The following DLC1 variants were observed in gnomAD, a reference collection of about 807,000 sequenced individuals.
DLC1 encodes rho GTPase-activating protein 7.
In DLC1, 54 loss-of-function variants were observed where a neutral mutation model predicts 140.3. The observed-to-expected ratio is 0.38, with a 90% CI of 0.31 to 0.48. The LOEUF (loss-of-function observed/expected upper bound fraction) is 0.48. DLC1 is among the 20% of genes least tolerant of loss of function. DLC1 has a pLI of 0.96. For synonymous variants in DLC1, 986 were observed against 728.1 expected (o/e 1.35, Z -5.70); for missense variants, 2,536 against 1,907.0 (o/e 1.33, Z -6.14).
chr8:13,205,438 T>C (rs1000461211), intron 5 of DLC1, among the ~76,000 whole-genome samples: 1 of 152,190 alleles, frequency 6.6e-6, no homozygotes, highest in African/African-American at 2.4e-5. Context: ...GGGGAGATTG[T>C]GGTTCCGCGG....
chr8:13,496,785 C>CTTTTTTTTTTTTTTTTTTT lies in DLC1; in HGVS notation c.1023+2263_1023+2264insAAAAAAAAAAAAAAAAAAA, dbSNP rs1491502803. Among the ~76,000 whole-genome samples, 71 of 8,628 alleles carry CTTTTTTTTTTTTTTTTTTT rather than the reference C, an allele frequency of 8.2e-3. 20 individuals carry two copies. The highest frequency in any genetic ancestry group is 0.05 in the South Asian group (16 of 318). The allele number at this position is 8,628 out of a possible 152,430, so 5.7% of individuals were successfully genotyped here. Reference sequence around the variant, plus strand: ...TAATTAACAAATTCTTAGACCATTTCCTTTTTTTTTTTTTTTTTTTTTTTT... The same window carrying CTTTTTTTTTTTTTTTTTTT: ...TAATTAACAAATTCTTAGACCATTTCTTTTTTTTTTTTTTTTTTTCTTTTTTTTTTTTTTTTTTTTTTTT... On this transcript the variant is annotated intron_variant, in intron 2 of 17. Coordinates refer to ENST00000276297, the MANE Select transcript of DLC1 (RefSeq NM_182643.3).
intron 15 of DLC1, 156 bp from the exon 16 acceptor site, chr8:13,088,860 A>C: frequency 3.4e-6 from 2 of 592,598 alleles, no homozygotes; most frequent in African/African-American, 1.9e-5. Context: ...ATATAAAGAA[A>C]TATTGGGGGC....
At chr8:13,174,289 A>G (rs986886340) in intron 5 of DLC1, among the ~76,000 whole-genome samples, 1 of 152,118 alleles carries the variant, frequency 6.6e-6, no homozygotes, top group Non-Finnish European at 1.5e-5. Context: ...GGTTGATTCT[A>G]TGTCTTTGCT....
rs1817954289 is a variant in DLC1, at chr8:13,090,420, C to T, written c.3906G>A (p.Leu1302=). 1 of 1,614,170 alleles carries T rather than the reference C, an allele frequency of 6.2e-7. No individual in the cohort carries two copies. Among genetic ancestry groups the T allele is most frequent in the East Asian group, 2.2e-5 (1 of 44,882 alleles). ...CGAGTGCTTCCAGAGTGAGGGGCTT[C>T]AGCTCTTGTTCGGTATAGGAATTAC... is the stretch of plus-strand genomic sequence containing the variant. ...RCRNSYTEQE[L]KPLTLEALGH... is the part of the protein sequence containing the mutation. Residue 1302 remains leucine, a synonymous_variant, in exon 15 of 18, where the codon CTG becomes CTA. Transcript: ENST00000276297.
chr8:13,322,925 T>A lies in DLC1; in HGVS notation c.1315-17623A>T, dbSNP rs557332974. Among the ~76,000 whole-genome samples, 3 of 152,318 alleles carry A rather than the reference T, an allele frequency of 2.0e-5. No individual in the cohort carries two copies. In the South Asian group the frequency reaches 6.2e-4, roughly 32 times the overall value. On this transcript the variant is annotated intron_variant, in intron 4 of 17. Transcript: ENST00000276297. ...AGGCACTGCAGATTCCCTCTTGCAC[T>A]GTCTTTTGGAAGGTTTGTGCTGGGG...
chr8:13,318,547 C>T (rs1832950880), intron 4 of DLC1, among the ~76,000 whole-genome samples: 1 of 152,166 alleles, frequency 6.6e-6, no homozygotes, highest in Non-Finnish European at 1.5e-5. Flanking sequence ...CTCAAATTTT[C>T]TCTTTTCTGC....
intron 5 of DLC1, among the ~76,000 whole-genome samples, chr8:13,200,234 TA>T (rs1380424997): frequency 1.3e-5 from 2 of 148,350 alleles, no homozygotes; most frequent in African/African-American, 4.9e-5. Context: ...TGTATATATA[TA>T]TTTTTTTTAG....
intron 7 of DLC1, among the ~76,000 whole-genome samples, chr8:13,107,181 T>G (rs1268673857): frequency 1.3e-5 from 2 of 152,240 alleles, no homozygotes; most frequent in African/African-American, 4.8e-5. Context: ...CCCACACTTG[T>G]AACTTTTGGT....
chr8:13,266,018 G>C (rs904830951), intron 5 of DLC1, among the ~76,000 whole-genome samples: 1 of 152,104 alleles, frequency 6.6e-6, no homozygotes, highest in African/African-American at 2.4e-5. Flanking sequence ...AAAGAGCTTT[G>C]CTGGAAACAT....
chr8:13,217,605 A>G (rs976944705), intron 5 of DLC1, among the ~76,000 whole-genome samples: 1 of 151,898 alleles, frequency 6.6e-6, no homozygotes, highest in Non-Finnish European at 1.5e-5. Context: ...GAGGCTGAGG[A>G]GGGCGGATTA....
intron 5 of DLC1, among the ~76,000 whole-genome samples, chr8:13,199,292 C>T (rs1306829957): frequency 6.0e-5 from 9 of 149,804 alleles, no homozygotes; most frequent in Non-Finnish European, 1.0e-4. Context: ...TCAAGCAGTC[C>T]TCCTGCTTAG....
At chr8:13,270,623 C>G (rs562949798) in intron 5 of DLC1, among the ~76,000 whole-genome samples, 3 of 152,310 alleles carry the variant, frequency 2.0e-5, no homozygotes, top group Non-Finnish European at 2.9e-5. Flanking sequence ...CAGTCATTTC[C>G]TTTTGGAGTT....
At chr8:13,435,125 A>T (rs1158724720) in intron 2 of DLC1, among the ~76,000 whole-genome samples, 1 of 152,204 alleles carries the variant, frequency 6.6e-6, no homozygotes, top group Non-Finnish European at 1.5e-5. Context: ...TTCATGACTC[A>T]TGGAAGGAGG....
At position 13,410,767 on chromosome 8, in the gene DLC1, A is replaced by T. The variant is rs538655644; in HGVS notation, c.1024-9148T>A. On this transcript the variant is annotated intron_variant, in intron 2 of 17. Coordinates refer to ENST00000276297, the MANE Select transcript of DLC1 (RefSeq NM_182643.3). Reference sequence around the variant, plus strand: ...ACTGTACAACTAATTTGTTATGTGTACTCTCTGTTTCCCCACTAGATCGTC... The same window carrying T: ...ACTGTACAACTAATTTGTTATGTGTTCTCTCTGTTTCCCCACTAGATCGTC... 1.2e-4 allele frequency among the ~76,000 whole-genome samples: 18 copies of T among 152,254 alleles called. No individual in the cohort carries two copies. The South Asian group carries it at 3.5e-3, about 30-fold the overall frequency.
chr8:13,162,003 C>T (rs7837398), intron 5 of DLC1, among the ~76,000 whole-genome samples: 5,374 of 152,060 alleles, frequency 0.035, 181 homozygotes, highest in African/African-American at 0.085. Flanking sequence ...TCATAGCAGC[C>T]GTTTGGTATA....
At chr8:13,217,678 C>CAA (rs571144370) in intron 5 of DLC1, among the ~76,000 whole-genome samples, 3 of 148,062 alleles carry the variant, frequency 2.0e-5, no homozygotes, top group African/African-American at 7.4e-5. Flanking sequence ...ACTAAAAATA[C>CAA]AAAAAAAAAA....
intron 5 of DLC1, chr8:13,133,028 G>T: frequency 6.3e-7 from 1 of 1,590,416 alleles, no homozygotes; most frequent in Non-Finnish European, 8.6e-7. Flanking sequence ...GTCGAGGCAG[G>T]CGGAGGCGGC....
intron 3 of DLC1, among the ~76,000 whole-genome samples, chr8:13,401,134 A>C (rs547014833): frequency 1.3e-5 from 2 of 152,320 alleles, no homozygotes; most frequent in South Asian, 4.1e-4. Context: ...TCATAGACAT[A>C]GTGCTTGCTA....
intron 2 of DLC1, among the ~76,000 whole-genome samples, chr8:13,425,983 T>C (rs78323951): frequency 0.011 from 1,738 of 152,154 alleles, 13 homozygotes; most frequent in Middle Eastern, 0.024. Context: ...TGGCTAGTCT[T>C]TTTATTTTTT....
Sources: gnomAD v4.1 joint callset for allele counts (sites outside exome capture counted in the v4.1 genomes callset) on GRCh38, gnomAD v4.1.1 for gene constraint, MANE v1.5 for transcripts, NCBI Gene and HGNC (gene_info 2026-07-23, HGNC 2026-07-21) for gene names.